The following ANKRD28 variants were observed in gnomAD, a reference collection of about 807,000 sequenced individuals.
ANKRD28 encodes the protein serine/threonine-protein phosphatase 6 regulatory ankyrin repeat subunit A.
ANKRD28 carries 44 observed loss-of-function variants against 126.5 expected under a neutral mutation model. The observed-to-expected ratio is 0.35, with a 90% confidence interval of 0.27 to 0.45. The LOEUF (loss-of-function observed/expected upper bound fraction) is 0.45, where lower values mean the gene tolerates loss of function less well. Ranked by LOEUF, ANKRD28 falls within the 20% of genes least tolerant of loss-of-function variation. ANKRD28 has a pLI of 1.00. For missense variants in ANKRD28, 1,110 were observed against 1,316.6 expected (o/e 0.84, Z 2.43); for synonymous variants, 442 against 468.5 (o/e 0.94, Z 0.73).
chr3:15,831,906 G>A (rs962642671), intron 1 of ANKRD28, among the ~76,000 whole-genome samples: 1 of 152,072 alleles, frequency 6.6e-6, no homozygotes, highest in African/African-American at 2.4e-5. Flanking sequence ...CACCACAGAG[G>A]GAAGATAGAC....
chr3:15,826,673 C>G (rs1236706550), intron 1 of ANKRD28, among the ~76,000 whole-genome samples: 1 of 152,070 alleles, frequency 6.6e-6, no homozygotes, highest in Non-Finnish European at 1.5e-5. Flanking sequence ...TTATTTTATC[C>G]TGTGTGTCTG....
At chr3:15,709,095 C>T (rs2071868803) in intron 13 of ANKRD28, among the ~76,000 whole-genome samples, 1 of 152,138 alleles carries the variant, frequency 6.6e-6, no homozygotes, top group East Asian at 1.9e-4. Context: ...AACAATGAGG[C>T]CTGCTGAATG....
intron 27 of ANKRD28, 75 bp downstream of exon 27, chr3:15,675,823 A>G: frequency 8.0e-7 from 1 of 1,252,366 alleles, no homozygotes; most frequent in Non-Finnish European, 1.1e-6. Flanking sequence ...AAAATATCCA[A>G]GTTTATTTCT....
chr3:15,767,769 T>A (rs913600420), intron 2 of ANKRD28, among the ~76,000 whole-genome samples: 2 of 129,512 alleles, frequency 1.5e-5, no homozygotes, highest in South Asian at 2.6e-4. Flanking sequence ...GTGCCTGTAG[T>A]CCTGGCTACT....
intron 3 of ANKRD28, among the ~76,000 whole-genome samples, chr3:15,765,750 T>C (rs1476541459): frequency 2.0e-5 from 3 of 150,150 alleles, no homozygotes; most frequent in Non-Finnish European, 4.4e-5. Flanking sequence ...TGAGGCAGGA[T>C]AATCACTTGA....
chr3:15,797,065 C>T lies in ANKRD28; in HGVS notation c.-544G>A. The T allele has an allele frequency of 1.0e-6, 1 of 985,240 alleles. No homozygotes were observed. Among genetic ancestry groups the T allele is most frequent in the Non-Finnish European group, 1.2e-6 (1 of 829,866 alleles). The allele number at this position is 985,240 out of a possible 1,614,324, so 61.0% of individuals were successfully genotyped here. ...AAATCTCACTATTCTGTTTCCACTTCTAATTTGTCTTCATTTCTTCATCAC... is the reference window on the plus strand; with the variant it reads ...AAATCTCACTATTCTGTTTCCACTTTTAATTTGTCTTCATTTCTTCATCAC... On this transcript the variant is annotated 5_prime_UTR_variant, in exon 1 of 28. The change abolishes the stop of an existing upstream ORF in the 5' untranslated region. Transcript: ENST00000683139.
rs1174704317 is a variant in ANKRD28, at chr3:15,731,878, G to C, written c.640+3532C>G. 1.9e-4 allele frequency: 26 copies of C among 135,568 alleles called. 1 individual carries two copies. The highest frequency in any genetic ancestry group is 7.4e-4 in the African/African-American group (24 of 32,628). 8.4% of individuals were successfully genotyped at this position (135,568 alleles called of 1,614,324 possible). On this transcript the variant is annotated intron_variant, in intron 6 of 27. Coordinates refer to ENST00000683139, the MANE Select transcript of ANKRD28 (RefSeq NM_001349278.2). ...AAAAAAAAAAAAAAAAAAAAAAGGG[G>C]GGGGGGGTGTGTGGGGAGGGGACAT...
chr3:15,719,162 G>A (rs760052262), intron 8 of ANKRD28, among the ~76,000 whole-genome samples: 1 of 152,150 alleles, frequency 6.6e-6, no homozygotes, highest in Non-Finnish European at 1.5e-5. Flanking sequence ...GGTGTAGTAT[G>A]TATACATTTT....
Position 15,685,424 on chromosome 3 carries a change from A to C in ANKRD28, c.2191T>G (p.Cys731Gly). ...CCATGTTGAAGTAATGCATCTACAC[A>C]TTCTTCATGGCCTGTAACTGCCTGA... Reference protein sequence around the residue: ...HRGAVTGHEECVDALLQHGAK... With the variant: ...HRGAVTGHEEGVDALLQHGAK... The change falls in exon 21 of 28, where the codon TGT (cysteine) becomes GGT (glycine). Residue 731 changes from cysteine (C) to glycine (G), a missense_variant. Cys to Gly is a radical substitution (Grantham distance 159). Coordinates refer to ENST00000683139, the MANE Select transcript of ANKRD28 (RefSeq NM_001349278.2). 2 of 1,614,016 alleles carry C rather than the reference A, an allele frequency of 1.2e-6. No homozygotes were observed.
At chr3:15,773,083 G>C (rs1463024310) in intron 2 of ANKRD28, among the ~76,000 whole-genome samples, 1 of 151,172 alleles carries the variant, frequency 6.6e-6, no homozygotes, top group Non-Finnish European at 1.5e-5. Flanking sequence ...AGAAAGAAAA[G>C]TATCTCTAGT....
chr3:15,704,949 G>T (rs2071156187), intron 14 of ANKRD28, among the ~76,000 whole-genome samples: 1 of 152,150 alleles, frequency 6.6e-6, no homozygotes, highest in Non-Finnish European at 1.5e-5. Context: ...ATTATGCACA[G>T]TCTCATTTAG....
At chr3:15,688,319 T>A (rs1374013873) in intron 18 of ANKRD28, among the ~76,000 whole-genome samples, 2 of 152,148 alleles carry the variant, frequency 1.3e-5, no homozygotes, top group Non-Finnish European at 2.9e-5. Flanking sequence ...AGGAACAGGG[T>A]TTCATCATGT....
chr3:15,747,738 T>C (rs1186167539), intron 4 of ANKRD28, among the ~76,000 whole-genome samples: 3 of 152,182 alleles, frequency 2.0e-5, no homozygotes, highest in East Asian at 1.9e-4. Flanking sequence ...TTTAGGTCCA[T>C]TGTTTCTTTG....
At chr3:15,834,407 T>C (rs1430436165) in intron 1 of ANKRD28, among the ~76,000 whole-genome samples, 1 of 152,184 alleles carries the variant, frequency 6.6e-6, no homozygotes, top group African/African-American at 2.4e-5. Flanking sequence ...TCCAGTAATA[T>C]ATATATCTAT....
At position 15,854,541 on chromosome 3, in the gene ANKRD28, CA is replaced by C. The variant is rs144358324; in HGVS notation, c.27+4835del. Among the ~76,000 whole-genome samples the C allele has an allele frequency of 8.5e-3, 1,295 of 152,264 alleles. 19 individuals are homozygous for C. The highest frequency in any genetic ancestry group is 0.029 in the African/African-American group (1,211 of 41,540). On this transcript the variant is annotated intron_variant, in intron 1 of 27. Transcript: ENST00000399451. This position sits in a 1 kb window ranked among gnomAD's most constrained non-coding sequence, Gnocchi z 4.1. ...TCTATTTTGTATTGCAAAAGGTATC[CA>C]AAAAGTGAGGAAACACAGAACTTGT...
chr3:15,738,559 G>C (rs941824256), intron 4 of ANKRD28: 1 of 152,416 alleles, frequency 6.6e-6, no homozygotes, highest in African/African-American at 2.4e-5. Context: ...TACTCGGGAG[G>C]CTGAGGTGGG....
intron 1 of ANKRD28, among the ~76,000 whole-genome samples, chr3:15,857,097 C>T (rs1435250062): frequency 6.6e-6 from 1 of 152,120 alleles, no homozygotes; most frequent in African/African-American, 2.4e-5. Context: ...TCATTTTTAC[C>T]ATCAATTCCA....
intron 1 of ANKRD28, among the ~76,000 whole-genome samples, chr3:15,827,060 T>C (rs1435424999): frequency 2.6e-5 from 4 of 152,086 alleles, no homozygotes; most frequent in African/African-American, 9.7e-5. Flanking sequence ...ATTAAAACCA[T>C]GAGATATCAT....
rs552615918 is a variant in ANKRD28, at chr3:15,668,758, A to G, written c.*1512T>C. The G allele has an allele frequency of 3.9e-5, 6 of 152,774 alleles. No homozygotes were observed. Among genetic ancestry groups the G allele is most frequent in the Non-Finnish European group, 7.4e-5 (5 of 68,022 alleles). The allele number at this position is 152,774 out of a possible 1,614,324, so 9.5% of individuals were successfully genotyped here. A position where few individuals can be genotyped will look rare whatever the true frequency, so the allele number is the denominator to read the frequency against. ...AAAAACCCACAAAATTATCAAATAG[A>G]TCAAAATACTGTTCTGTGTTTTCAC... On this transcript the variant is annotated 3_prime_UTR_variant, in exon 28 of 28. Transcript: ENST00000683139.
Sources: gnomAD v4.1 joint callset for allele counts (sites outside exome capture counted in the v4.1 genomes callset) on GRCh38, gnomAD v4.1.1 for gene constraint, Gnocchi (gnomAD v3.1) non-coding constraint, MANE v1.5 for transcripts, NCBI Gene and HGNC (gene_info 2026-07-23, HGNC 2026-07-21) for gene names.